The following KLHL1 variants were observed in gnomAD, a reference collection of about 807,000 sequenced individuals.
KLHL1 encodes kelch-like protein 1.
A neutral mutation model predicts 77.7 loss-of-function variants in KLHL1; 47 were observed. The observed-to-expected ratio is 0.60, with a 90% CI of 0.48 to 0.77. The LOEUF (loss-of-function observed/expected upper bound fraction) is 0.77. KLHL1 is among the 30% of genes least tolerant of loss of function. The pLI, the probability that KLHL1 is intolerant of heterozygous loss-of-function variation, is 0.00. For missense variants in KLHL1, 925 were observed against 910.8 expected, an observed-to-expected ratio of 1.02 and a Z score of -0.20; for synonymous variants, 360 against 325.2, an observed-to-expected ratio of 1.11 and a Z score of -1.15.
intron 4 of KLHL1, among the ~76,000 whole-genome samples, chr13:69,887,046 C>T (rs1184740243): frequency 6.6e-6 from 1 of 152,074 alleles, no homozygotes; most frequent in Non-Finnish European, 1.5e-5. Flanking sequence ...TTGGCTACAT[C>T]CTCTGGTTGA....
At position 70,016,915 on chromosome 13, in the gene KLHL1, A is replaced by C. The variant is rs1440487883; in HGVS notation, c.498-41113T>G. On this transcript the variant is annotated intron_variant, in intron 1 of 10. Coordinates refer to ENST00000377844, the MANE Select transcript of KLHL1 (RefSeq NM_020866.3). ...CTTTCTGAGCCCATAAAAACCCCAG[A>C]CTCAGCTGGACTCACACAGACCTGG... Among the ~76,000 whole-genome samples the C allele has an allele frequency of 2.6e-5, 4 of 151,884 alleles. No homozygotes were observed. The East Asian group carries it at 7.8e-4, about 30-fold the overall frequency.
intron 2 of KLHL1, among the ~76,000 whole-genome samples, chr13:69,968,791 G>A (rs567603292): frequency 9.9e-5 from 15 of 152,016 alleles, no homozygotes; most frequent in East Asian, 5.8e-4. Context: ...GTGTATATGC[G>A]CCACATTTTC....
chr13:70,059,195 G>C (rs1380214597), intron 1 of KLHL1, among the ~76,000 whole-genome samples: 1 of 141,580 alleles, frequency 7.1e-6, no homozygotes, highest in East Asian at 2.0e-4. Context: ...ATCTCACTCT[G>C]TCAGCCAGGC....
intron 7 of KLHL1, among the ~76,000 whole-genome samples, chr13:69,788,581 C>T (rs543846480): frequency 9.3e-4 from 142 of 152,126 alleles, no homozygotes; most frequent in African/African-American, 2.8e-3. Flanking sequence ...TTAATGGGTA[C>T]AGCACACCAA....
intron 4 of KLHL1, among the ~76,000 whole-genome samples, chr13:69,908,782 A>G (rs189846988): frequency 0.011 from 1,637 of 151,612 alleles, 13 homozygotes; most frequent in Middle Eastern, 0.042. Flanking sequence ...ACAGAATAAT[A>G]AATTCCTTTT....
intron 9 of KLHL1, among the ~76,000 whole-genome samples, chr13:69,718,653 C>A (rs1368177225): frequency 6.6e-6 from 1 of 152,012 alleles, no homozygotes; most frequent in African/African-American, 2.4e-5. Context: ...CTCTTCAGTC[C>A]TTACTACATA....
chr13:69,989,401 C>T (rs1884964705), intron 1 of KLHL1, among the ~76,000 whole-genome samples: 2 of 151,910 alleles, frequency 1.3e-5, no homozygotes, highest in Non-Finnish European at 1.5e-5. Flanking sequence ...CAGTATGACT[C>T]CTCTAGATTT....
chr13:69,865,649 T>C (rs551053636), intron 5 of KLHL1, among the ~76,000 whole-genome samples: 4 of 152,160 alleles, frequency 2.6e-5, no homozygotes, highest in Non-Finnish European at 5.9e-5. Context: ...AATAATATCG[T>C]ACCCAGAAAG....
chr13:69,752,960 A>G (rs1874552027), intron 7 of KLHL1, among the ~76,000 whole-genome samples: 1 of 152,170 alleles, frequency 6.6e-6, no homozygotes, highest in South Asian at 2.1e-4. Context: ...TGCATGGTGG[A>G]ATTACTAATG....
intron 5 of KLHL1, among the ~76,000 whole-genome samples, chr13:69,868,878 GA>G (rs901406353): frequency 2.6e-5 from 4 of 151,924 alleles, no homozygotes; most frequent in East Asian, 1.9e-4. Context: ...ATTCCTACCT[GA>G]AAAAAGTAGT....
At chr13:70,094,393 T>TTATATATATA (rs369471818) in intron 1 of KLHL1, among the ~76,000 whole-genome samples, 36 of 137,220 alleles carry the variant, frequency 2.6e-4, no homozygotes, top group African/African-American at 1.0e-3. Context: ...GCAATCATCT[T>TTATATATATA]TATATATATA....
chr13:70,061,424 A>C (rs1886882078), intron 1 of KLHL1, among the ~76,000 whole-genome samples: 1 of 151,116 alleles, frequency 6.6e-6, no homozygotes, highest in Non-Finnish European at 1.5e-5. Context: ...GCTTTATTGG[A>C]GTCACTTCCA....
intron 4 of KLHL1, among the ~76,000 whole-genome samples, chr13:69,928,337 C>T (rs150819518): frequency 5.9e-5 from 9 of 152,212 alleles, no homozygotes; most frequent in South Asian, 2.1e-4. Flanking sequence ...ATCCGATTCC[C>T]TAACTTTTCA....
At position 69,904,035 on chromosome 13, in the gene KLHL1, A is replaced by G. The variant is rs543332071; in HGVS notation, c.1015-21540T>C. Among the ~76,000 whole-genome samples the G allele has an allele frequency of 1.2e-4, 18 of 152,106 alleles. 1 individual carries two copies. Among genetic ancestry groups the G allele is most frequent in the Non-Finnish European group, 2.2e-4 (15 of 67,986 alleles). The stretch of plus-strand genomic sequence containing the variant: ...GAGACCCACTTGAAATGATCAGTAA[A>G]ATAAATTTAACCTATATATTATTAT... On this transcript the variant is annotated intron_variant, in intron 4 of 10. Transcript: ENST00000377844.
intron 7 of KLHL1, among the ~76,000 whole-genome samples, chr13:69,749,021 C>T (rs1874351189): frequency 6.6e-6 from 1 of 151,938 alleles, no homozygotes; most frequent in African/African-American, 2.4e-5. Context: ...CTTTATGCTT[C>T]CACATTATAA....
intron 1 of KLHL1, among the ~76,000 whole-genome samples, chr13:70,100,839 A>G (rs1177363167): frequency 2.6e-5 from 4 of 152,210 alleles, no homozygotes; most frequent in Non-Finnish European, 5.9e-5. Flanking sequence ...CATACCTAAA[A>G]TTATTTTAGA....
chr13:69,985,440 A>C (rs1373075213), intron 1 of KLHL1, among the ~76,000 whole-genome samples: 1 of 152,024 alleles, frequency 6.6e-6, no homozygotes, highest in Admixed American at 6.6e-5. Flanking sequence ...TCACAATAAA[A>C]TATCACCTTA....
At chr13:69,856,396 C>T (rs1879921555) in intron 5 of KLHL1, among the ~76,000 whole-genome samples, 1 of 151,982 alleles carries the variant, frequency 6.6e-6, no homozygotes. Flanking sequence ...GATTTTCTTG[C>T]TACTACTATT....
intron 5 of KLHL1, among the ~76,000 whole-genome samples, chr13:69,844,269 A>G (rs1359830696): frequency 6.6e-6 from 1 of 151,624 alleles, no homozygotes; most frequent in Non-Finnish European, 1.5e-5. Flanking sequence ...TAAGAATAAA[A>G]TAAAATGAAA....
Sources: allele counts gnomAD v4.1 joint callset (sites outside exome capture counted in the v4.1 genomes callset), GRCh38; gene constraint gnomAD v4.1.1; transcripts MANE v1.5; gene names NCBI Gene and HGNC (gene_info 2026-07-23, HGNC 2026-07-21).